The following RBFOX1 variants were observed in gnomAD, a reference collection of about 807,000 sequenced individuals.
The protein encoded by RBFOX1 is RNA binding fox-1 homolog 1.
In RBFOX1, 8 loss-of-function variants were observed where a neutral mutation model predicts 57.7. The observed-to-expected ratio is 0.14, with a 90% CI of 0.08 to 0.25. RBFOX1 has a LOEUF of 0.25. Ranked by LOEUF, RBFOX1 falls within the 10% of genes least tolerant of loss-of-function variation. The probability of loss-of-function intolerance (pLI) is 1.00; values close to 1 mark genes in which losing one functional copy is unlikely to be tolerated. For synonymous variants in RBFOX1, 326 were observed against 222.4 expected (o/e 1.47, Z -4.15); for missense variants, 611 against 548.5 (o/e 1.11, Z -1.14).
At chr16:7,256,985 G>A (rs890663612) in intron 4 of RBFOX1, among the ~76,000 whole-genome samples, 3 of 152,058 alleles carry the variant, frequency 2.0e-5, no homozygotes, top group Admixed American at 2.0e-4. Flanking sequence ...GGCATTCTCT[G>A]TTACTCGTTC....
chr16:7,324,985 T>A (rs1253762624), intron 4 of RBFOX1, among the ~76,000 whole-genome samples: 1 of 152,226 alleles, frequency 6.6e-6, no homozygotes, highest in Non-Finnish European at 1.5e-5. Flanking sequence ...GGGTCTTAGT[T>A]TTTTGTTTGG....
At chr16:7,118,110 G>A (rs1264469029) in intron 4 of RBFOX1, among the ~76,000 whole-genome samples, 5 of 152,128 alleles carry the variant, frequency 3.3e-5, no homozygotes, top group South Asian at 2.1e-4. Context: ...GGGATTAACT[G>A]GATCAAATGG....
At chr16:6,650,147 C>T (rs1558568) in intron 2 of RBFOX1, among the ~76,000 whole-genome samples, 2 of 151,952 alleles carry the variant, frequency 1.3e-5, no homozygotes, top group East Asian at 1.9e-4. Context: ...GCCTCCACAC[C>T]GTTTTTTGTA....
intron 2 of RBFOX1, among the ~76,000 whole-genome samples, chr16:5,495,428 C>G (rs2042970920): frequency 6.6e-6 from 1 of 152,194 alleles, no homozygotes; most frequent in Admixed American, 6.5e-5. Flanking sequence ...AGAGGAATAT[C>G]CAGTCCCATC....
intron 4 of RBFOX1, among the ~76,000 whole-genome samples, chr16:7,159,372 A>C (rs1343595411): frequency 3.9e-5 from 6 of 152,104 alleles, no homozygotes; most frequent in African/African-American, 1.4e-4. Flanking sequence ...TGCTTGGCTT[A>C]CATGTATGTG....
rs1055032237 is a variant in RBFOX1, at chr16:6,961,059, C to T, written c.-15-90998C>T. On this transcript the variant is annotated intron_variant, in intron 3 of 15. Transcript: ENST00000550418. ...TCAGGAGGCTGAGGCAGGAGAATCA[C>T]TTGAATCCGGGAGGCGGGAGTTGCA... Among the ~76,000 whole-genome samples the T allele has an allele frequency of 2.0e-5, 3 of 151,264 alleles. 1 individual carries two copies. The highest frequency in any genetic ancestry group is 1.9e-4 in the East Asian group (1 of 5,154).
chr16:5,674,451 A>G (rs760951661), intron 3 of RBFOX1, among the ~76,000 whole-genome samples: 3 of 152,224 alleles, frequency 2.0e-5, no homozygotes, highest in Non-Finnish European at 4.4e-5. Context: ...TGACAGGGCC[A>G]GGACTCAGTC....
At chr16:5,576,540 C>T (rs1316631828) in intron 2 of RBFOX1, among the ~76,000 whole-genome samples, 1 of 152,162 alleles carries the variant, frequency 6.6e-6, no homozygotes, top group African/African-American at 2.4e-5. Flanking sequence ...CAGATGAATC[C>T]TATAAAGATG....
intron 11 of RBFOX1, among the ~76,000 whole-genome samples, chr16:7,637,271 CAA>C (rs5815418): frequency 1.0e-3 from 145 of 139,342 alleles, no homozygotes; most frequent in African/African-American, 2.7e-3. Context: ...CTTCCCTCCT[CAA>C]AAAAAAAAAA....
At chr16:6,591,389 G>C (rs1303045827) in intron 2 of RBFOX1, among the ~76,000 whole-genome samples, 1 of 152,180 alleles carries the variant, frequency 6.6e-6, no homozygotes, top group South Asian at 2.1e-4. Flanking sequence ...GGGAGGCGGA[G>C]ATTGCAGTGA....
chr16:7,555,094 AG>A (rs557496520), intron 5 of RBFOX1, among the ~76,000 whole-genome samples: 3 of 152,176 alleles, frequency 2.0e-5, no homozygotes, highest in South Asian at 2.1e-4. Flanking sequence ...GAGTAGGGTA[AG>A]GGGGGGTTTT....
chr16:7,523,971 A>G (rs1478113419), intron 5 of RBFOX1, among the ~76,000 whole-genome samples: 2 of 152,286 alleles, frequency 1.3e-5, no homozygotes, highest in South Asian at 2.1e-4. Flanking sequence ...GGTCAGAACT[A>G]TGGTTCTCCC....
At position 6,663,679 on chromosome 16, in the gene RBFOX1, A is replaced by T. The variant is rs12926459; in HGVS notation, c.-16+9029A>T. Among the ~76,000 whole-genome samples the T allele has an allele frequency of 5.9e-3, 893 of 152,048 alleles. 10 individuals carry two copies. Among genetic ancestry groups the T allele is most frequent in the African/African-American group, 0.02 (826 of 41,446 alleles). On this transcript the variant is annotated intron_variant, in intron 3 of 15. Transcript: ENST00000550418. ...GGATTGGATTTCTTTTCTGTTTCCAATGTCCTTTGTTTAAGGCCGTTAGGC... is the reference window on the plus strand; with the variant it reads ...GGATTGGATTTCTTTTCTGTTTCCATTGTCCTTTGTTTAAGGCCGTTAGGC...
At chr16:6,801,199 CAAAAAA>C (rs200091675) in intron 3 of RBFOX1, among the ~76,000 whole-genome samples, 73 of 91,578 alleles carry the variant, frequency 8.0e-4, no homozygotes, top group African/African-American at 1.9e-3. Flanking sequence ...ATTGAACATG[CAAAAAA>C]AAAAAAAAAA....
intron 1 of RBFOX1, among the ~76,000 whole-genome samples, chr16:6,078,700 C>T (rs1311368997): frequency 6.6e-6 from 1 of 152,220 alleles, no homozygotes; most frequent in East Asian, 1.9e-4. Flanking sequence ...CAACACCCTG[C>T]ACGTAGCAAG....
chr16:6,217,340 A>G (rs1397609027), intron 1 of RBFOX1, among the ~76,000 whole-genome samples: 1 of 152,018 alleles, frequency 6.6e-6, no homozygotes, highest in Non-Finnish European at 1.5e-5. Flanking sequence ...CTGTATTTTA[A>G]CTTTTCTGAA....
At chr16:6,012,689 C>T (rs548411375) in intron 4 of RBFOX1, among the ~76,000 whole-genome samples, 4 of 152,210 alleles carry the variant, frequency 2.6e-5, no homozygotes, top group Non-Finnish European at 4.4e-5. Context: ...TTTGGAAGCC[C>T]GTTGATTTAG....
intron 3 of RBFOX1, among the ~76,000 whole-genome samples, chr16:6,814,729 G>A (rs954611219): frequency 6.6e-6 from 1 of 152,086 alleles, no homozygotes; most frequent in Non-Finnish European, 1.5e-5. Flanking sequence ...GAAGTGAAAA[G>A]TCCTTCAGTC....
At chr16:7,362,756 G>T (rs955357151) in intron 4 of RBFOX1, among the ~76,000 whole-genome samples, 3 of 152,096 alleles carry the variant, frequency 2.0e-5, no homozygotes, top group Non-Finnish European at 4.4e-5. Flanking sequence ...GTGTATGTTA[G>T]TGTATGTTTC....
Sources: allele counts gnomAD v4.1 joint callset (sites outside exome capture counted in the v4.1 genomes callset), GRCh38; gene constraint gnomAD v4.1.1; transcripts MANE v1.5; gene names NCBI Gene and HGNC (gene_info 2026-07-23, HGNC 2026-07-21).